The following NMNAT2 variants were observed in gnomAD, a reference collection of about 807,000 sequenced individuals.
The protein encoded by NMNAT2 is nicotinamide/nicotinic acid mononucleotide adenylyltransferase 2.
In NMNAT2, 11 loss-of-function variants were observed where a neutral mutation model predicts 41.6. That is an observed-to-expected ratio of 0.26 (90% CI 0.17 to 0.44). The LOEUF is 0.44. NMNAT2 is among the 20% of genes least tolerant of loss of function. The pLI, the probability that NMNAT2 is intolerant of heterozygous loss-of-function variation, is 1.00. For missense variants in NMNAT2, 288 were observed against 407.7 expected (o/e 0.71, Z 2.53); for synonymous variants, 148 against 151.2 (o/e 0.98, Z 0.16).
intron 5 of NMNAT2, among the ~76,000 whole-genome samples, chr1:183,285,241 G>A (rs770520819): frequency 6.6e-6 from 1 of 152,124 alleles, no homozygotes; most frequent in African/African-American, 2.4e-5. Flanking sequence ...AGGGCATATA[G>A]GCTGCTGGCT....
rs1214296212 is a variant in NMNAT2, at chr1:183,293,713, C to T, written c.166G>A (p.Gly56Arg). Residue 56 changes from glycine (G) to arginine (R), a missense_variant, in exon 2 of 11, where the codon GGA (glycine) becomes AGA (arginine). This residue lies in a region of NMNAT2 where 100 missense variants were observed against 168.5 expected (regional missense o/e 0.59). Transcript: ENST00000287713. Reference sequence around the variant, plus strand: ...CACAGGAAGGAACCCACCTGTTTTCCATAGGAGTCGTGGACAGGGGAGACA... The same window carrying T: ...CACAGGAAGGAACCCACCTGTTTTCTATAGGAGTCGTGGACAGGGGAGACA... ...GIVSPVHDSY[G>R]KQGLVSSRHR... 1 of 1,613,272 alleles carries T rather than the reference C, an allele frequency of 6.2e-7. No homozygotes were observed. Among genetic ancestry groups the T allele is most frequent in the African/African-American group, 1.3e-5 (1 of 75,032 alleles).
intron 1 of NMNAT2, among the ~76,000 whole-genome samples, chr1:183,380,360 T>C (rs1229073163): frequency 2.0e-5 from 3 of 152,350 alleles, no homozygotes; most frequent in South Asian, 4.1e-4. Context: ...GGTTTTGCTG[T>C]AGTTTTTCTT....
chr1:183,401,175 G>T (rs1404708185), intron 1 of NMNAT2, among the ~76,000 whole-genome samples: 1 of 152,078 alleles, frequency 6.6e-6, no homozygotes, highest in Non-Finnish European at 1.5e-5. Context: ...TCTGACAAAG[G>T]GCTAATATCC....
rs1660323014 is a variant in NMNAT2 at position 183,249,694 on chromosome 1, T to TGC, written c.*2946_*2947insGC. The TGC allele has an allele frequency of 7.3e-6, 1 of 137,930 alleles. No homozygotes were observed. Among genetic ancestry groups the TGC allele is most frequent in the Non-Finnish European group, 1.5e-5 (1 of 65,230 alleles). 8.5% of individuals were successfully genotyped at this position (137,930 alleles called of 1,614,324 possible). On this transcript the variant is annotated 3_prime_UTR_variant, in exon 11 of 11. Coordinates refer to ENST00000287713, the MANE Select transcript of NMNAT2 (RefSeq NM_015039.4). ...ATGAAGAGTAGGGCGTGTGTGTGTG[T>TGC]GTGTGTGTGTGTGTGTGTGTGTGTG...
chr1:183,320,079 A>G (rs1662327849), intron 1 of NMNAT2, among the ~76,000 whole-genome samples: 1 of 152,196 alleles, frequency 6.6e-6, no homozygotes, highest in African/African-American at 2.4e-5. Context: ...CTAAAAATTA[A>G]CTCTGAGTTC....
At chr1:183,406,398 A>T (rs1648954985) in intron 1 of NMNAT2, among the ~76,000 whole-genome samples, 1 of 152,192 alleles carries the variant, frequency 6.6e-6, no homozygotes, top group Non-Finnish European at 1.5e-5. Flanking sequence ...ATCTCGAGGA[A>T]AAGAACTAGG....
At chr1:183,304,614 A>G (rs1661951842) in intron 1 of NMNAT2, 2 of 1,484,434 alleles carry the variant, frequency 1.3e-6, no homozygotes, top group Non-Finnish European at 1.9e-6. Flanking sequence ...GACCATCTGC[A>G]CCTCCCTCCA....
In NMNAT2 at chr1:183,310,759, T is replaced by C. The variant is rs528962068; in HGVS notation, c.86-16966A>G. 6.8e-4 allele frequency among the ~76,000 whole-genome samples: 103 copies of C among 152,006 alleles called. No homozygotes were observed. In the Middle Eastern group the frequency reaches 0.02, roughly 30 times the overall value. On this transcript the variant is annotated intron_variant, in intron 1 of 10. Coordinates refer to ENST00000287713, the MANE Select transcript of NMNAT2 (RefSeq NM_015039.4). ...AACCGTGCCAGGGTTGAAAATCCTG[T>C]TCTACACATAAACAAGGCCTCTGTT... is the stretch of plus-strand genomic sequence containing the variant.
At chr1:183,300,416 A>G (rs201333218) in intron 1 of NMNAT2, among the ~76,000 whole-genome samples, 3 of 116,214 alleles carry the variant, frequency 2.6e-5, no homozygotes, top group Non-Finnish European at 5.8e-5. Flanking sequence ...TCTAAAAAAA[A>G]GAAAAAAAAA....
chr1:183,411,349 C>G (rs888396707), intron 1 of NMNAT2, among the ~76,000 whole-genome samples: 1 of 152,148 alleles, frequency 6.6e-6, no homozygotes, highest in African/African-American at 2.4e-5. Flanking sequence ...GAGTCTCACT[C>G]TGTCACCCAG....
intron 1 of NMNAT2, among the ~76,000 whole-genome samples, chr1:183,414,636 G>T (rs1345389438): frequency 6.6e-6 from 1 of 152,170 alleles, no homozygotes; most frequent in Non-Finnish European, 1.5e-5. Context: ...AGTTACAGTT[G>T]AGTATACAAG....
At chr1:183,415,272 C>A (rs1649223204) in intron 1 of NMNAT2, among the ~76,000 whole-genome samples, 2 of 152,308 alleles carry the variant, frequency 1.3e-5, no homozygotes, top group South Asian at 4.1e-4. Context: ...AGTGAGCCAC[C>A]ACACCTGGCC....
chr1:183,301,358 T>C (rs1451109401), intron 1 of NMNAT2, among the ~76,000 whole-genome samples: 1 of 152,130 alleles, frequency 6.6e-6, no homozygotes. Flanking sequence ...TCCACCACCA[T>C]CTCCAACTTG....
At chr1:183,278,832 C>T in intron 7 of NMNAT2, 1 of 565,966 alleles carries the variant, frequency 1.8e-6, no homozygotes, top group Middle Eastern at 4.8e-4. Flanking sequence ...TCCAGACCAC[C>T]CTCATCCCCT....
intron 1 of NMNAT2, among the ~76,000 whole-genome samples, chr1:183,357,496 T>TG (rs1030897872): frequency 2.6e-5 from 4 of 152,140 alleles, no homozygotes; most frequent in African/African-American, 9.7e-5. Flanking sequence ...CCCAAAGTGC[T>TG]GGGATTACAG....
chr1:183,257,130 C>A (rs1416714129), intron 10 of NMNAT2, among the ~76,000 whole-genome samples: 2 of 151,568 alleles, frequency 1.3e-5, no homozygotes, highest in East Asian at 3.9e-4. Flanking sequence ...TTCCTTCCAG[C>A]TGTATTTCTT....
intron 1 of NMNAT2, among the ~76,000 whole-genome samples, chr1:183,343,304 T>A (rs1662858908): frequency 6.6e-6 from 1 of 152,186 alleles, no homozygotes; most frequent in Non-Finnish European, 1.5e-5. Context: ...TCTCCTTCAT[T>A]TGGTGATTCA....
intron 8 of NMNAT2, among the ~76,000 whole-genome samples, chr1:183,272,677 G>T (rs1018893672): frequency 6.6e-6 from 1 of 152,248 alleles, no homozygotes; most frequent in East Asian, 1.9e-4. Context: ...ACTCAGTAGA[G>T]AGTGTGTGTT....
rs1042811693 is a variant in NMNAT2, at chr1:183,308,834, C to T, written c.86-15041G>A. ...GATAAGCAAATGGCAAGCCATCAGCCATACGACAGTGAGGAGGAAAGTGCT... is the reference window on the plus strand; with the variant it reads ...GATAAGCAAATGGCAAGCCATCAGCTATACGACAGTGAGGAGGAAAGTGCT... On this transcript the variant is annotated intron_variant, in intron 1 of 10. Coordinates refer to ENST00000287713, the MANE Select transcript of NMNAT2 (RefSeq NM_015039.4). Among the ~76,000 whole-genome samples the T allele has an allele frequency of 3.3e-5, 5 of 152,134 alleles. No homozygotes were observed. In the South Asian group the frequency reaches 1.0e-3, roughly 32 times the overall value.
Sources: gnomAD v4.1 joint callset for allele counts (sites outside exome capture counted in the v4.1 genomes callset) on GRCh38, gnomAD v4.1.1 for gene constraint, gnomAD v4.1.1 regional missense constraint, MANE v1.5 for transcripts, NCBI Gene and HGNC (gene_info 2026-07-23, HGNC 2026-07-21) for gene names.